The following RPS6KA2 variants were observed in gnomAD, a reference collection of about 807,000 sequenced individuals.
RPS6KA2 encodes the protein ribosomal protein S6 kinase A2.
A neutral mutation model predicts 91.8 loss-of-function variants in RPS6KA2; 42 were observed. That is an observed-to-expected ratio of 0.46 (90% CI 0.36 to 0.59). RPS6KA2 has a LOEUF of 0.59. Ranked by LOEUF, RPS6KA2 falls within the 20% of genes least tolerant of loss-of-function variation. RPS6KA2 has a pLI of 0.00. For synonymous variants in RPS6KA2, 414 were observed against 393.6 expected, an observed-to-expected ratio of 1.05 and a Z score of -0.61; for missense variants, 798 against 978.5, an observed-to-expected ratio of 0.82 and a Z score of 2.46.
chr6:166,477,846 G>T (rs150771813), intron 10 of RPS6KA2, among the ~76,000 whole-genome samples: 11 of 152,296 alleles, frequency 7.2e-5, no homozygotes, highest in South Asian at 4.1e-4. Flanking sequence ...AGGCAACTGA[G>T]ACTGAAGTGA....
chr6:166,484,178 G>T (rs964025326), intron 10 of RPS6KA2, among the ~76,000 whole-genome samples: 2 of 152,168 alleles, frequency 1.3e-5, no homozygotes, highest in African/African-American at 4.8e-5. Flanking sequence ...CACACTTCAG[G>T]GCAAGGAGCT....
chr6:166,794,148 A>C lies in RPS6KA2; in HGVS notation c.123+64052T>G, dbSNP rs1481032845. The stretch of plus-strand genomic sequence containing the variant: ...TCCAGAATCTACAATGAACTCAAAC[A>C]AATTTACAAGAAAAAAACAAACAAC... On this transcript the variant is annotated intron_variant, in intron 2 of 21. Transcript: ENST00000503859. 3.6e-5 allele frequency among the ~76,000 whole-genome samples: 5 copies of C among 140,222 alleles called. No individual in the cohort carries two copies. In the East Asian group the frequency reaches 1.1e-3, roughly 30 times the overall value. The allele number at this position is 140,222 out of a possible 152,430, so 92.0% of individuals were successfully genotyped here. A position where few individuals can be genotyped will look rare whatever the true frequency, so the allele number is the denominator to read the frequency against.
At chr6:166,578,767 G>A (rs986538963) in intron 1 of RPS6KA2, among the ~76,000 whole-genome samples, 5 of 152,194 alleles carry the variant, frequency 3.3e-5, no homozygotes, top group Non-Finnish European at 5.9e-5. Flanking sequence ...CTCAATCAGA[G>A]TGTCTGGGCT....
chr6:166,781,609 G>A (rs550868144), intron 2 of RPS6KA2, among the ~76,000 whole-genome samples: 2 of 152,302 alleles, frequency 1.3e-5, no homozygotes, highest in African/African-American at 4.8e-5. Context: ...CTCATGTCCC[G>A]TATGCACTCA....
At chr6:166,620,393 A>C (rs1290657285) in intron 1 of RPS6KA2, among the ~76,000 whole-genome samples, 2 of 152,170 alleles carry the variant, frequency 1.3e-5, no homozygotes, top group Admixed American at 6.5e-5. Flanking sequence ...CTTTCTCCCA[A>C]CAGTCCCCAC....
chr6:166,645,030 A>T (rs1381342841), intron 2 of RPS6KA2, among the ~76,000 whole-genome samples: 1 of 152,192 alleles, frequency 6.6e-6, no homozygotes, highest in Admixed American at 6.5e-5. Context: ...GGAGTGAGGC[A>T]CTGCCCACCC....
At position 166,612,263 on chromosome 6, in the gene RPS6KA2, T is replaced by A. The variant is rs1786209118; in HGVS notation, c.99+14658A>T. Among the ~76,000 whole-genome samples, 1 of 151,744 alleles carries A rather than the reference T, an allele frequency of 6.6e-6. No individual in the cohort carries two copies. ...AGGGGAGTCAAGCCCCTTGACGAGG[T>A]GTGTGATGTGGGCAGGTGTGATGGA... On this transcript the variant is annotated intron_variant, in intron 1 of 20. Transcript: ENST00000265678. This position sits in a 1 kb window ranked among gnomAD's most constrained non-coding sequence, Gnocchi z 4.3.
chr6:166,827,871 T>C (rs551492978), intron 2 of RPS6KA2, among the ~76,000 whole-genome samples: 4 of 152,370 alleles, frequency 2.6e-5, no homozygotes, highest in East Asian at 1.9e-4. Context: ...GCCTTCATTG[T>C]TCTGTACCCT....
intron 2 of RPS6KA2, among the ~76,000 whole-genome samples, chr6:166,776,269 A>G (rs1583104986): frequency 6.6e-6 from 1 of 152,304 alleles, no homozygotes; most frequent in East Asian, 1.9e-4. Context: ...CGAAAAGCTG[A>G]GTTGTAAGAA....
intron 14 of RPS6KA2, among the ~76,000 whole-genome samples, chr6:166,442,698 G>A (rs1779558323): frequency 6.6e-6 from 1 of 152,096 alleles, no homozygotes; most frequent in Admixed American, 6.6e-5. Context: ...AGAGGGTCAA[G>A]GTGGCAAAAT....
At chr6:166,674,453 G>C (rs973752388) in intron 2 of RPS6KA2, among the ~76,000 whole-genome samples, 2 of 152,132 alleles carry the variant, frequency 1.3e-5, no homozygotes, top group Non-Finnish European at 2.9e-5. Flanking sequence ...GGGGTGGTCT[G>C]TCTGAGCAAC....
rs192387653 is a variant in RPS6KA2, at chr6:166,434,533, T to C, written c.1333-2043A>G. The stretch of plus-strand genomic sequence containing the variant: ...GCTTGTAGGGAAGCTGGCTGTCAGG[T>C]ACCCAAACTCCTCTGCTCCTGTCTG... On this transcript the variant is annotated intron_variant, in intron 14 of 20. Coordinates refer to ENST00000265678, the MANE Select transcript of RPS6KA2 (RefSeq NM_021135.6). This position sits in a 1 kb window ranked among gnomAD's most constrained non-coding sequence, Gnocchi z 4.4. Among the ~76,000 whole-genome samples the C allele has an allele frequency of 4.8e-4, 73 of 152,316 alleles. No individual in the cohort carries two copies. Among genetic ancestry groups the C allele is most frequent in the African/African-American group, 1.6e-3 (67 of 41,580 alleles).
intron 2 of RPS6KA2, among the ~76,000 whole-genome samples, chr6:166,708,603 C>T (rs1394177332): frequency 2.6e-5 from 4 of 152,234 alleles, no homozygotes; most frequent in Non-Finnish European, 4.4e-5. Flanking sequence ...AGTTAGAAGA[C>T]ATTCCAAGAC....
At chr6:166,539,932 A>G (rs1490340981) in intron 1 of RPS6KA2, among the ~76,000 whole-genome samples, 2 of 152,162 alleles carry the variant, frequency 1.3e-5, no homozygotes, top group African/African-American at 4.8e-5. Context: ...GGGCTGAAAA[A>G]CTTCAGAAAC....
chr6:166,499,535 C>T (rs1704804148), intron 7 of RPS6KA2, among the ~76,000 whole-genome samples: 1 of 152,198 alleles, frequency 6.6e-6, no homozygotes, highest in Admixed American at 6.5e-5. Context: ...GTGCTATTCT[C>T]GTGACAGTGA....
At chr6:166,449,734 C>T (rs1779791261) in intron 13 of RPS6KA2, among the ~76,000 whole-genome samples, 1 of 151,882 alleles carries the variant, frequency 6.6e-6, no homozygotes, top group Non-Finnish European at 1.5e-5. Flanking sequence ...AGGGTAGGAG[C>T]AAGGGCTCAG....
intron 2 of RPS6KA2, among the ~76,000 whole-genome samples, chr6:166,683,240 T>C (rs1260015016): frequency 6.6e-6 from 1 of 152,254 alleles, no homozygotes; most frequent in South Asian, 2.1e-4. Flanking sequence ...TTGGAGAGTA[T>C]TGCATATTGC....
At chr6:166,701,682 T>A in intron 2 of RPS6KA2, 1 of 1,275,368 alleles carries the variant, frequency 7.8e-7, no homozygotes, top group Non-Finnish European at 1.1e-6. Flanking sequence ...AGGTGGGAGG[T>A]GGCATCCCTG....
intron 2 of RPS6KA2, among the ~76,000 whole-genome samples, chr6:166,711,842 G>GA (rs1438374793): frequency 6.6e-6 from 1 of 151,404 alleles, no homozygotes; most frequent in Non-Finnish European, 1.5e-5. Context: ...AAAAACAACA[G>GA]AAAAAACCCA....
Sources: allele counts gnomAD v4.1 joint callset (sites outside exome capture counted in the v4.1 genomes callset), GRCh38; gene constraint gnomAD v4.1.1; non-coding constraint Gnocchi (gnomAD v3.1); transcripts MANE v1.5; gene names NCBI Gene and HGNC (gene_info 2026-07-23, HGNC 2026-07-21).